The following EEFSEC variants were observed in gnomAD, a reference collection of about 807,000 sequenced individuals.
EEFSEC encodes selenocysteine-specific elongation factor.
In EEFSEC, 43 loss-of-function variants were observed where a neutral mutation model predicts 42.1. That is an observed-to-expected ratio of 1.02 (90% CI 0.80 to 1.32). The LOEUF is 1.32. Among genes scored for constraint, EEFSEC ranks in the 40% most tolerant of loss-of-function variants. The pLI is 0.00. For missense variants in EEFSEC, 745 were observed against 803.6 expected, an observed-to-expected ratio of 0.93 and a Z score of 0.88; for synonymous variants, 354 against 339.1, an observed-to-expected ratio of 1.04 and a Z score of -0.48.
intron 2 of EEFSEC, among the ~76,000 whole-genome samples, chr3:128,257,456 C>T (rs534919991): frequency 6.6e-5 from 10 of 152,182 alleles, no homozygotes; most frequent in Non-Finnish European, 1.3e-4. Context: ...AGCTCCAAGT[C>T]ACCTTTCATC....
intron 4 of EEFSEC, among the ~76,000 whole-genome samples, chr3:128,329,898 C>T (rs900346696): frequency 3.3e-5 from 5 of 152,222 alleles, no homozygotes; most frequent in Admixed American, 3.3e-4. Context: ...TCCTTTAAGA[C>T]CCAGACCCAC....
intron 1 of EEFSEC, among the ~76,000 whole-genome samples, chr3:128,171,183 A>G (rs922159974): frequency 2.0e-5 from 3 of 152,192 alleles, no homozygotes; most frequent in Non-Finnish European, 2.9e-5. Context: ...ACAGGTCAGC[A>G]TAGTTAAAAT....
At chr3:128,321,824 G>A (rs1470215210) in intron 4 of EEFSEC, among the ~76,000 whole-genome samples, 2 of 152,192 alleles carry the variant, frequency 1.3e-5, no homozygotes, top group East Asian at 3.9e-4. Flanking sequence ...ACAACAGTGG[G>A]CCCTGTCACC....
chr3:128,158,893 A>G (rs756788960), intron 1 of EEFSEC, among the ~76,000 whole-genome samples: 7 of 152,244 alleles, frequency 4.6e-5, no homozygotes, highest in Non-Finnish European at 1.0e-4. Context: ...GCCCTGAAGA[A>G]TTTGGCAAGT....
At chr3:128,277,660 T>C (rs1197054936) in intron 4 of EEFSEC, among the ~76,000 whole-genome samples, 1 of 152,222 alleles carries the variant, frequency 6.6e-6, no homozygotes, top group Non-Finnish European at 1.5e-5. Flanking sequence ...TGTGGATGTG[T>C]AGATTAGGGT....
intron 6 of EEFSEC, among the ~76,000 whole-genome samples, chr3:128,375,886 A>T (rs2067704485): frequency 6.6e-6 from 1 of 152,170 alleles, no homozygotes; most frequent in East Asian, 1.9e-4. Context: ...AACCCCTGTG[A>T]TCTCCACCAC....
intron 6 of EEFSEC, among the ~76,000 whole-genome samples, chr3:128,376,091 G>A (rs1346784375): frequency 6.6e-6 from 1 of 152,194 alleles, no homozygotes; most frequent in East Asian, 1.9e-4. Flanking sequence ...TGCAAGTCCA[G>A]TGGAGTAGGG....
intron 1 of EEFSEC, among the ~76,000 whole-genome samples, chr3:128,165,923 G>T (rs1245084638): frequency 6.6e-6 from 1 of 152,192 alleles, no homozygotes; most frequent in African/African-American, 2.4e-5. Context: ...ATACATGACG[G>T]TGTGGCACTT....
chr3:128,246,777 A>C lies in EEFSEC; in HGVS notation c.317-59A>C, dbSNP rs1036045985. On this transcript the variant is annotated intron_variant, in intron 1 of 6. Coordinates refer to ENST00000254730, the MANE Select transcript of EEFSEC (RefSeq NM_021937.5). ...GTGCTTTGACCTGGGGCATTGGGCA[A>C]CTTTCTGTGGGGCTCACCACCCCTT... is the stretch of plus-strand genomic sequence containing the variant. The C allele has an allele frequency of 4.4e-6, 7 of 1,594,160 alleles. No homozygotes were observed. The African/African-American group carries it at 9.4e-5, about 21-fold the overall frequency.
At chr3:128,160,905 T>C (rs889928308) in intron 1 of EEFSEC, among the ~76,000 whole-genome samples, 6 of 152,208 alleles carry the variant, frequency 3.9e-5, no homozygotes, top group Admixed American at 3.3e-4. Flanking sequence ...AGTGGTGCTG[T>C]GGGGTTAACA....
chr3:128,211,842 TCTTTTC>T (rs1559870502), intron 1 of EEFSEC, among the ~76,000 whole-genome samples: 87 of 133,508 alleles, frequency 6.5e-4, no homozygotes, highest in African/African-American at 2.4e-3. Context: ...CTTTTCTTTT[TCTTTTC>T]TTTTTTTTTT....
chr3:128,195,178 G>T (rs182193379), intron 1 of EEFSEC, among the ~76,000 whole-genome samples: 3 of 152,248 alleles, frequency 2.0e-5, no homozygotes, highest in African/African-American at 4.8e-5. Flanking sequence ...TTCAAATTTA[G>T]GGCCCAGGCT....
the EEFSEC span, among the ~76,000 whole-genome samples, chr3:128,414,062 T>C: frequency 7.2e-5 from 11 of 152,210 alleles, no homozygotes; most frequent in Non-Finnish European, 1.0e-4. Context: ...TGCCATCACT[T>C]CCTCTGCCTC....
intron 1 of EEFSEC, among the ~76,000 whole-genome samples, chr3:128,156,269 G>C (rs1944379997): frequency 6.6e-6 from 1 of 152,126 alleles, no homozygotes; most frequent in South Asian, 2.1e-4. Context: ...TTGTGTATTT[G>C]CTGCTTACCA....
intron 4 of EEFSEC, among the ~76,000 whole-genome samples, chr3:128,338,632 C>G (rs2067216762): frequency 6.6e-6 from 1 of 152,182 alleles, no homozygotes; most frequent in South Asian, 2.1e-4. Context: ...ACAGCATTTA[C>G]AAGGATTCAT....
At chr3:128,210,605 T>C (rs780350697) in intron 1 of EEFSEC, among the ~76,000 whole-genome samples, 1 of 152,030 alleles carries the variant, frequency 6.6e-6, no homozygotes, top group Non-Finnish European at 1.5e-5. Context: ...GAGCCCAGAG[T>C]CAGCAATGTT....
chr3:128,390,518 T>TA (rs1457835505), intron 6 of EEFSEC, among the ~76,000 whole-genome samples: 1 of 152,238 alleles, frequency 6.6e-6, no homozygotes, highest in East Asian at 1.9e-4. Flanking sequence ...CCCAGAATGT[T>TA]AGTTGCTTTG....
chr3:128,303,188 A>G (rs1446490432), intron 4 of EEFSEC, among the ~76,000 whole-genome samples: 3 of 152,172 alleles, frequency 2.0e-5, no homozygotes, highest in Non-Finnish European at 4.4e-5. Flanking sequence ...GGCTAGTCTC[A>G]AACTCCTGGA....
intron 4 of EEFSEC, among the ~76,000 whole-genome samples, chr3:128,335,249 G>A (rs1020814338): frequency 6.6e-6 from 1 of 152,202 alleles, no homozygotes; most frequent in South Asian, 2.1e-4. Flanking sequence ...ATTCCAGTGC[G>A]GGAGTGACAG....
Sources: allele counts gnomAD v4.1 joint callset (sites outside exome capture counted in the v4.1 genomes callset), GRCh38; gene constraint gnomAD v4.1.1; transcripts MANE v1.5; gene names NCBI Gene and HGNC (gene_info 2026-07-23, HGNC 2026-07-21).